ZNF106: variants seen among roughly 807,000 people sequenced by gnomAD.
ZNF106 encodes the protein SH3-domain binding protein 3.
A neutral mutation model predicts 195.1 loss-of-function variants in ZNF106; 67 were observed. The ratio of observed to expected loss-of-function variants is 0.34; its 90% CI spans 0.28 to 0.42. The LOEUF (loss-of-function observed/expected upper bound fraction) is 0.42, where lower values mean the gene tolerates loss of function less well. Among genes scored for constraint, ZNF106 ranks in the 10% least tolerant of loss-of-function variants. The pLI, the probability that ZNF106 is intolerant of heterozygous loss-of-function variation, is 1.00. For missense variants in ZNF106, 2,118 were observed against 2,304.5 expected, an observed-to-expected ratio of 0.92 and a Z score of 1.66; for synonymous variants, 784 against 818.6, an observed-to-expected ratio of 0.96 and a Z score of 0.72.
intron 20 of ZNF106, among the ~76,000 whole-genome samples, chr15:42,419,646 T>A (rs933689577): frequency 4.2e-4 from 64 of 152,074 alleles, no homozygotes; most frequent in African/African-American, 1.5e-3. Flanking sequence ...TTCGAACACA[T>A]GTTTATTTCT....
chr15:42,445,625 G>A (rs1033247594), intron 7 of ZNF106, among the ~76,000 whole-genome samples: 3 of 152,094 alleles, frequency 2.0e-5, no homozygotes, highest in Non-Finnish European at 4.4e-5. Flanking sequence ...TATCTCAAAG[G>A]TCCTTTAAGT....
At chr15:42,464,313 C>G (rs773503927) in intron 3 of ZNF106, among the ~76,000 whole-genome samples, 12 of 150,466 alleles carry the variant, frequency 8.0e-5, no homozygotes, top group Non-Finnish European at 1.8e-4. Flanking sequence ...GCACTCTAAC[C>G]TGGGCAACAG....
rs953289961 is a variant in ZNF106, at chr15:42,417,130, A to G, written c.*174T>C. On this transcript the variant is annotated 3_prime_UTR_variant, in exon 22 of 22. Transcript: ENST00000564754. ...ATTTAAAACCTCCAGCAAGAACTTA[A>G]AAGTGTAATTTATCATCCCATAGAG... The G allele has an allele frequency of 2.3e-4, 141 of 611,680 alleles. No individual in the cohort carries two copies. The highest frequency in any genetic ancestry group is 3.5e-4 in the Non-Finnish European group (125 of 353,056). The allele number at this position is 611,680 out of a possible 1,614,324, so 37.9% of individuals were successfully genotyped here.
chr15:42,421,995 C>T lies in ZNF106; in HGVS notation c.5374-7G>A, dbSNP rs1244675506. ...CTTGTAATCGATCATGAGACTTAGG[C>T]AGAAAAAAAAAAAGAGAATTGAAGT... On this transcript the variant is annotated splice_polypyrimidine_tract_variant and splice_region_variant and intron_variant, in intron 18 of 21. Transcript: ENST00000564754. 1 of 1,538,250 alleles carries T rather than the reference C, an allele frequency of 6.5e-7. No homozygotes were observed.
rs546912849 is a variant in ZNF106 at position 42,415,122 on chromosome 15, CTT to C, written c.*2180_*2181del. The C allele has an allele frequency of 2.7e-3, 440 of 161,278 alleles. No homozygotes were observed. The highest frequency in any genetic ancestry group is 8.5e-3 in the South Asian group (69 of 8,138). 10.0% of individuals were successfully genotyped at this position (161,278 alleles called of 1,614,324 possible). A position where few individuals can be genotyped will look rare whatever the true frequency, so the allele number is the denominator to read the frequency against. Reference sequence around the variant, plus strand: ...CCATTCATTATCTCCTAGATTAACTCTTTTTTTTTTTTTTTTGAGGTGGAGTT... The same window carrying C: ...CCATTCATTATCTCCTAGATTAACTCTTTTTTTTTTTTTTGAGGTGGAGTT... On this transcript the variant is annotated 3_prime_UTR_variant, in exon 22 of 22. Transcript: ENST00000564754.
intron 12 of ZNF106, 35 bp from the exon 13 acceptor site, chr15:42,437,412 G>A (rs1417930773): frequency 6.2e-7 from 1 of 1,605,248 alleles, no homozygotes; most frequent in Non-Finnish European, 8.5e-7. Context: ...AGACATGTCT[G>A]CTAGAGTCTG....
At position 42,417,379 on chromosome 15, in the gene ZNF106, G is replaced by C. The variant is rs1211535895; in HGVS notation, c.5665-19C>G. The C allele has an allele frequency of 6.2e-7, 1 of 1,613,692 alleles. No individual in the cohort carries two copies. The highest frequency in any genetic ancestry group is 8.5e-7 in the Non-Finnish European group (1 of 1,179,786). ...CAGCATCCTAGGAATGAAGGGAAAA[G>C]GGCCCATGAGAGAGAAGTCGATAGT... On this transcript the variant is annotated intron_variant, in intron 21 of 21. Transcript: ENST00000564754.
At chr15:42,488,068 T>C (rs1188730212) in intron 1 of ZNF106, among the ~76,000 whole-genome samples, 1 of 152,214 alleles carries the variant, frequency 6.6e-6, no homozygotes, top group Non-Finnish European at 1.5e-5. Context: ...CATAACTTCA[T>C]TTATGTGGAT....
intron 1 of ZNF106, among the ~76,000 whole-genome samples, chr15:42,475,559 G>A (rs61701630): frequency 6.6e-6 from 1 of 152,348 alleles, no homozygotes; most frequent in East Asian, 1.9e-4. Flanking sequence ...ATATACCTTT[G>A]TGGATAGGTA....
At chr15:42,445,099 G>A in intron 7 of ZNF106, 118 bp from the exon 8 acceptor site, 1 of 1,207,566 alleles carries the variant, frequency 8.3e-7, no homozygotes, top group Admixed American at 2.7e-5. Flanking sequence ...TCCTCAGTAG[G>A]TCATTGGAAA....
At position 42,417,902 on chromosome 15, in the gene ZNF106, T is replaced by C; in HGVS notation, c.5567A>G (p.His1856Arg). The C allele has an allele frequency of 6.2e-7, 1 of 1,614,086 alleles. No homozygotes were observed. The highest frequency in any genetic ancestry group is 1.1e-5 in the South Asian group (1 of 91,082). ...GGGATTAGTGTGGTCGGTCAGCAAG[T>C]GTTGTTTTAAATGATCTACAACGCC... is the stretch of plus-strand genomic sequence containing the variant. ...IFGVVDHLKQ[H>R]LLTDHTNPNF... Residue 1856 changes from histidine to arginine, a missense_variant, in exon 21 of 22, where the codon CAC (histidine) becomes CGC (arginine). By Grantham distance (29) the His-to-Arg change is conservative. Transcript: ENST00000564754.
At chr15:42,436,651 CTTTT>C (rs1329932963) in intron 13 of ZNF106, among the ~76,000 whole-genome samples, 5 of 152,154 alleles carry the variant, frequency 3.3e-5, no homozygotes, top group African/African-American at 1.2e-4. Context: ...AAAGTTCATT[CTTTT>C]GAGAGTAATA....
intron 15 of ZNF106, 142 bp downstream of exon 15, chr15:42,427,876 T>A: frequency 1.5e-6 from 1 of 645,776 alleles, no homozygotes; most frequent in Non-Finnish European, 2.8e-6. Context: ...CATCAGAAGA[T>A]AACTGTGTTT....
Position 42,450,357 on chromosome 15 carries a change from A to G in ZNF106, c.1915T>C (p.Ser639Pro), listed in dbSNP as rs1020769370. 1.1e-5 allele frequency: 17 copies of G among 1,614,072 alleles called. No individual in the cohort carries two copies. The Admixed American group carries it at 1.8e-4, about 17-fold the overall frequency. Reference protein sequence around the residue: ...TLGSATTELLSGSTRTADEKE... With the variant: ...TLGSATTELLPGSTRTADEKE... The stretch of plus-strand genomic sequence containing the variant: ...TCATCAGCAGTTCGAGTGCTGCCAG[A>G]TAACAATTCTGTAGTTGCAGAACCT... Residue 639 changes from serine to proline, a missense_variant, in exon 5 of 22, where the codon TCT becomes CCT. By Grantham distance (74) the Ser-to-Pro change is moderately conservative (BLOSUM62 -1). Coordinates refer to ENST00000564754, the MANE Select transcript of ZNF106 (RefSeq NM_001366845.3).
chr15:42,490,908 TCCCTAAGGGGCAGACGACCAGGA>T (rs1255886740), intron 1 of ZNF106, 49 bp downstream of exon 1: 1 of 151,982 alleles, frequency 6.6e-6, no homozygotes, highest in African/African-American at 2.4e-5. Flanking sequence ...CCCCACAACC[TCCCTAAGGGGCAGACGACCAGGA>T]CCCTTGGGCT....
chr15:42,458,749 A>C (rs927667530), intron 3 of ZNF106, among the ~76,000 whole-genome samples: 1 of 151,304 alleles, frequency 6.6e-6, no homozygotes, highest in Admixed American at 6.6e-5. Flanking sequence ...TTACCAAAAA[A>C]CAGCTAAATT....
intron 20 of ZNF106, among the ~76,000 whole-genome samples, chr15:42,418,532 A>ATTTT (rs1162999546): frequency 0.093 from 8,889 of 95,930 alleles, 907 homozygotes; most frequent in African/African-American, 0.17. Flanking sequence ...CGGCCAGTTA[A>ATTTT]TTTTTTTTTT....
intron 1 of ZNF106, among the ~76,000 whole-genome samples, chr15:42,485,542 A>G (rs1280149494): frequency 1.3e-5 from 2 of 152,074 alleles, no homozygotes; most frequent in African/African-American, 2.4e-5. Flanking sequence ...TGATAGGTGA[A>G]CAGGGTGTCT....
chr15:42,463,026 T>C (rs2056429515), intron 3 of ZNF106, among the ~76,000 whole-genome samples: 1 of 151,958 alleles, frequency 6.6e-6, no homozygotes, highest in Admixed American at 6.6e-5. Flanking sequence ...CTTGAATTCC[T>C]GGGCTCAAGT....
Sources: allele counts gnomAD v4.1 joint callset (sites outside exome capture counted in the v4.1 genomes callset), GRCh38; gene constraint gnomAD v4.1.1; transcripts MANE v1.5; gene names NCBI Gene and HGNC (gene_info 2026-07-23, HGNC 2026-07-21).